GPR179: variants seen among roughly 807,000 people sequenced by gnomAD.
GPR179 encodes the protein G protein-coupled receptor 179.
A neutral mutation model predicts 70.8 loss-of-function variants in GPR179; 52 were observed. That is an observed-to-expected ratio of 0.73 (90% CI 0.59 to 0.93). The LOEUF is 0.93. Ranked by LOEUF, GPR179 falls within the 40% of genes least tolerant of loss-of-function variation. GPR179 has a pLI of 0.00. For synonymous variants in GPR179, 1,123 were observed against 1,169.0 expected (o/e 0.96, Z 0.80); for missense variants, 2,734 against 2,966.8 (o/e 0.92, Z 1.82).
Position 38,326,399 on chromosome 17 carries a change from C to T in GPR179, c.*66G>A. On this transcript the variant is annotated 3_prime_UTR_variant, in exon 11 of 11. Coordinates refer to ENST00000616987, the MANE Select transcript of GPR179 (RefSeq NM_001004334.4). ...CTTTGATTCAGCTCTTTGGGAACAC[C>T]TGGACTTGGAAAGGGCCTTGGCTCC... is the stretch of plus-strand genomic sequence containing the variant. 1 of 1,261,814 alleles carries T rather than the reference C, an allele frequency of 7.9e-7. No homozygotes were observed. The highest frequency in any genetic ancestry group is 1.1e-6 in the Non-Finnish European group (1 of 900,370). 78.2% of individuals were successfully genotyped at this position (1,261,814 alleles called of 1,614,324 possible). A position where few individuals can be genotyped will look rare whatever the true frequency, so the allele number is the denominator to read the frequency against.
Position 38,335,719 on chromosome 17 carries a change from A to G in GPR179, c.1297-19T>C. On this transcript the variant is annotated intron_variant, in intron 5 of 10. Transcript: ENST00000616987. ...TGAAGACCTGGTGGGAAGGGGCAAA[A>G]ATCTCTGCTCTCTACTATGCTTCTG... The G allele has an allele frequency of 6.6e-7, 1 of 1,515,046 alleles. No individual in the cohort carries two copies. The highest frequency in any genetic ancestry group is 9.2e-7 in the Non-Finnish European group (1 of 1,089,894). 93.9% of individuals were successfully genotyped at this position (1,515,046 alleles called of 1,614,324 possible). A position where few individuals can be genotyped will look rare whatever the true frequency, so the allele number is the denominator to read the frequency against.
intron 1 of GPR179, among the ~76,000 whole-genome samples, chr17:38,340,715 C>T (rs956576547): frequency 2.8e-4 from 42 of 152,028 alleles, no homozygotes; most frequent in African/African-American, 7.0e-4. Flanking sequence ...ACCAGGAGTT[C>T]GAGACCAGCC....
rs1416968230 is a variant in GPR179, at chr17:38,343,779, C to G, written c.11G>C (p.Arg4Thr). 1.3e-6 allele frequency: 2 copies of G among 1,509,398 alleles called. No individual in the cohort carries two copies. The highest frequency in any genetic ancestry group is 1.4e-5 in the African/African-American group (1 of 71,616). 93.5% of individuals were successfully genotyped at this position (1,509,398 alleles called of 1,614,324 possible). A position where few individuals can be genotyped will look rare whatever the true frequency, so the allele number is the denominator to read the frequency against. The change falls in exon 1 of 11, where the codon AGG (arginine) becomes ACG (threonine). Residue 4 changes from arginine to threonine, a missense_variant. Transcript: ENST00000616987. This position sits in a 1 kb window ranked among gnomAD's most constrained non-coding sequence, Gnocchi z 4.2. MGT[R>T]GAVMPPPMWG... Reference sequence around the variant, plus strand: ...CATAGGAGGGGGCATGACCGCTCCCCTGGTGCCCATCCTTGGGGCAGCTCT... The same window carrying G: ...CATAGGAGGGGGCATGACCGCTCCCGTGGTGCCCATCCTTGGGGCAGCTCT...
rs374048724 is a variant in GPR179, at chr17:38,329,852, C to T, written c.3717G>A (p.Arg1239=). 8.7e-6 allele frequency: 14 copies of T among 1,613,952 alleles called. No individual in the cohort carries two copies. The African/African-American group carries it at 1.1e-4, about 12-fold the overall frequency. Residue 1239 remains arginine, a synonymous_variant, in exon 11 of 11, where the codon AGG becomes AGA. Transcript: ENST00000616987. ...CCTCCCAGGGGCATACCTCTGCCAC[C>T]CTGTGGTCAGCGCTGCCCAGGGACT... ...GLQSLGSADH[R]VAEVCPWEVT... is the part of the protein sequence containing the mutation.
intron 4 of GPR179, 118 bp from the exon 5 acceptor site, chr17:38,336,262 G>T: frequency 1.3e-6 from 1 of 749,590 alleles, no homozygotes; most frequent in Non-Finnish European, 2.4e-6. Flanking sequence ...TGTAACACTG[G>T]CTCTGCCCTC....
At position 38,331,498 on chromosome 17, in the gene GPR179, C is replaced by A; in HGVS notation, c.2071G>T (p.Val691Phe). The A allele has an allele frequency of 1.2e-6, 2 of 1,612,838 alleles. No individual in the cohort carries two copies. Among genetic ancestry groups the A allele is most frequent in the Non-Finnish European group, 1.7e-6 (2 of 1,179,188 alleles). ...ELKKLYAQLE[V>F]HKTKEMAANN... ...GCGGCCATTTCCTTGGTTTTGTGGA[C>A]CTCTAGCTGGGCATAGAGCTTCTTC... Residue 691 changes from valine (V) to phenylalanine (F), a missense_variant, in exon 11 of 11, where the codon GTC becomes TTC. Coordinates refer to ENST00000616987, the MANE Select transcript of GPR179 (RefSeq NM_001004334.4).
Position 38,326,873 on chromosome 17 carries a change from A to C in GPR179, c.6696T>G (p.Asn2232Lys). The change falls in exon 11 of 11, where the codon AAT becomes AAG. Residue 2232 changes from asparagine to lysine, a missense_variant. Asn to Lys is a moderately conservative substitution (Grantham distance 94). Coordinates refer to ENST00000616987, the MANE Select transcript of GPR179 (RefSeq NM_001004334.4). ...TGTCTGCCATGGTACCCTTTATTTTATTTCCTTCTGGATCTGTGATTTCCC... is the reference window on the plus strand; with the variant it reads ...TGTCTGCCATGGTACCCTTTATTTTCTTTCCTTCTGGATCTGTGATTTCCC... ...CQWEITDPEG[N>K]KIKGTMADIC... 6.2e-7 allele frequency: 1 copy of C among 1,613,844 alleles called. No individual in the cohort carries two copies. Among genetic ancestry groups the C allele is most frequent in the South Asian group, 1.1e-5 (1 of 91,058 alleles).
At position 38,343,689 on chromosome 17, in the gene GPR179, G is replaced by C. The variant is rs1416518945; in HGVS notation, c.101C>G (p.Ser34Cys). ...WALGGPRPIR[S>C]LPPLSSQVKP... ...GACTTGGGAAGACAGAGGGGGCAGA[G>C]AGCGGATGGGCCGTGGACCCCCCAG... Residue 34 changes from serine (S) to cysteine (C), a missense_variant, in exon 1 of 11, where the codon TCT becomes TGT. Ser to Cys is a moderately radical substitution (Grantham distance 112, BLOSUM62 -1). Transcript: ENST00000616987. The surrounding 1 kb of genome is among the most constrained non-coding windows in gnomAD (Gnocchi z 4.2). 2.0e-5 allele frequency: 32 copies of C among 1,608,340 alleles called. No individual in the cohort carries two copies. The highest frequency in any genetic ancestry group is 2.7e-5 in the Non-Finnish European group (32 of 1,176,284).
intron 10 of GPR179, among the ~76,000 whole-genome samples, chr17:38,332,617 G>T (rs74252419): frequency 1.4e-4 from 21 of 152,160 alleles, no homozygotes; most frequent in East Asian, 1.2e-3. Flanking sequence ...AGGCTTTTTT[G>T]TGTGTGTGTG....
Position 38,333,264 on chromosome 17 carries a change from G to C in GPR179, c.2024C>G (p.Pro675Arg), listed in dbSNP as rs921849447. The C allele has an allele frequency of 6.2e-6, 10 of 1,613,872 alleles. No individual in the cohort carries two copies. The highest frequency in any genetic ancestry group is 1.6e-4 in the Middle Eastern group (1 of 6,084). Residue 675 changes from proline to arginine, a missense_variant, in exon 10 of 11, where the codon CCT (proline) becomes CGT (arginine). Physicochemically the swap from Pro to Arg is moderately radical, Grantham distance 103 (BLOSUM62 -2). Transcript: ENST00000616987. ...GGTGGCACATACCCGAATGTCTCCA[G>C]GGTCCAGGCTGTGCTCACTCCAGGC... Reference protein sequence around the residue: ...ASAWSEHSLDPGDIRDELKKL... With the variant: ...ASAWSEHSLDRGDIRDELKKL...
intron 6 of GPR179, 30 bp downstream of exon 6, chr17:38,335,561 C>T (rs756366759): frequency 2.0e-6 from 3 of 1,475,546 alleles, no homozygotes. Context: ...GGATGAGCAG[C>T]ATGAGAGCAA....
chr17:38,331,591 T>G (rs2037361065), intron 10 of GPR179, 60 bp from the exon 11 acceptor site: 9 of 1,539,452 alleles, frequency 5.8e-6, no homozygotes, highest in Middle Eastern at 2.0e-4. Flanking sequence ...CCCCTGGCTG[T>G]CTGTTCCTCC....
intron 1 of GPR179, among the ~76,000 whole-genome samples, chr17:38,340,833 G>A (rs1444089468): frequency 1.2e-4 from 19 of 152,126 alleles, no homozygotes; most frequent in African/African-American, 4.6e-4. Flanking sequence ...CAGGAGAATC[G>A]CTTGAACCCA....
chr17:38,336,518 G>C (rs1171338839), intron 4 of GPR179, among the ~76,000 whole-genome samples: 3 of 152,226 alleles, frequency 2.0e-5, no homozygotes, highest in Non-Finnish European at 4.4e-5. Flanking sequence ...TCTTGGCCCA[G>C]TAAGTATCCA....
chr17:38,335,553 A>C, intron 6 of GPR179, 38 bp downstream of exon 6: 1 of 1,415,714 alleles, frequency 7.1e-7, no homozygotes, highest in Non-Finnish European at 1.0e-6. Context: ...GTGGTCTGGG[A>C]TGAGCAGCAT....
Position 38,329,881 on chromosome 17 carries a change from G to A in GPR179, c.3688C>T (p.Leu1230Phe), listed in dbSNP as rs1325024394. ...TGGTCAGCGCTGCCCAGGGACTGGA[G>A]GCCAGCTTTGGGCAGTTCCTGCCAC... ...VGWQELPKAG[L>F]QSLGSADHRV... Residue 1230 changes from leucine to phenylalanine, a missense_variant, in exon 11 of 11, where the codon CTC becomes TTC. Leu to Phe is a conservative substitution (Grantham distance 22). Coordinates refer to ENST00000616987, the MANE Select transcript of GPR179 (RefSeq NM_001004334.4). The A allele has an allele frequency of 6.2e-7, 1 of 1,614,176 alleles. No homozygotes were observed. Among genetic ancestry groups the A allele is most frequent in the Admixed American group, 1.7e-5 (1 of 60,030 alleles).
In GPR179 at chr17:38,328,575, G is replaced by A; in HGVS notation, c.4994C>T (p.Pro1665Leu). The change falls in exon 11 of 11, where the codon CCT becomes CTT. Residue 1665 changes from proline (P) to leucine (L), a missense_variant. Transcript: ENST00000616987. ...GGTTTGGGGTCTCTCTGTGTCTTGAGGACGTGGTTGTGGGGAGAAGCTGCC... is the reference window on the plus strand; with the variant it reads ...GGTTTGGGGTCTCTCTGTGTCTTGAAGACGTGGTTGTGGGGAGAAGCTGCC... Reference protein sequence around the residue: ...DPGSFSPQPRPQDTERPQTLL... With the variant: ...DPGSFSPQPRLQDTERPQTLL... The A allele has an allele frequency of 1.9e-6, 3 of 1,614,174 alleles. No homozygotes were observed. Among genetic ancestry groups the A allele is most frequent in the Non-Finnish European group, 2.5e-6 (3 of 1,180,038 alleles).
Position 38,326,270 on chromosome 17 carries a change from GGTGGGCCTTCCCATTGGGGTCTAAGCT to G in GPR179, c.*168_*194del. 1.9e-6 allele frequency: 1 copy of G among 531,910 alleles called. No homozygotes were observed. The highest frequency in any genetic ancestry group is 3.3e-5 in the South Asian group (1 of 29,874). The allele number at this position is 531,910 out of a possible 1,614,324, so 32.9% of individuals were successfully genotyped here. A position where few individuals can be genotyped will look rare whatever the true frequency, so the allele number is the denominator to read the frequency against. On this transcript the variant is annotated 3_prime_UTR_variant, in exon 11 of 11. Transcript: ENST00000616987. ...GAAGAAAAGTTAGAAGTAAAGAGAGGGTGGGCCTTCCCATTGGGGTCTAAGCTGTACCCTTTTCATGCAGTTTGTCTT... is the reference window on the plus strand; with the variant it reads ...GAAGAAAAGTTAGAAGTAAAGAGAGGGTACCCTTTTCATGCAGTTTGTCTT...
At chr17:38,337,898 T>TACCTG (rs2037419980) in intron 2 of GPR179, among the ~76,000 whole-genome samples, 178 bp from the exon 3 acceptor site, 3 of 152,194 alleles carry the variant, frequency 2.0e-5, no homozygotes, top group Non-Finnish European at 2.9e-5. Flanking sequence ...GTGGAAACCC[T>TACCTG]ACCTGACCCC....
Sources: allele counts gnomAD v4.1 joint callset (sites outside exome capture counted in the v4.1 genomes callset), GRCh38; gene constraint gnomAD v4.1.1; non-coding constraint Gnocchi (gnomAD v3.1); transcripts MANE v1.5; gene names NCBI Gene and HGNC (gene_info 2026-07-23, HGNC 2026-07-21).